The following FBXL4 variants were observed in gnomAD, a reference collection of about 807,000 sequenced individuals.
FBXL4 encodes F-box/LRR-repeat protein 4.
A neutral mutation model predicts 58.9 loss-of-function variants in FBXL4; 40 were observed. The observed-to-expected ratio is 0.68, with a 90% CI of 0.53 to 0.88. FBXL4 has a LOEUF of 0.88. FBXL4 is among the 40% of genes least tolerant of loss of function. FBXL4 has a pLI of 0.00. For synonymous variants in FBXL4, 263 were observed against 265.5 expected (o/e 0.99, Z 0.09); for missense variants, 676 against 734.4 (o/e 0.92, Z 0.92).
At position 98,926,828 on chromosome 6, in the gene FBXL4, TACTGG is replaced by T; in HGVS notation, c.156_160del (p.Gln53CysfsTer14). 6.2e-7 allele frequency: 1 copy of T among 1,614,208 alleles called. No individual in the cohort carries two copies. On this transcript the variant is annotated frameshift_variant, in exon 4 of 10. Transcript: ENST00000369244. LOFTEE classifies it high-confidence loss of function. ...ACTGAAATCCACTACTTCTTTGGCA[TACTGG>T]ACTACCTCTGCATTGAGAGGGGAAG...
At chr6:98,880,696 T>C (rs1562217021) in intron 7 of FBXL4, 72 bp from the exon 8 acceptor site, 5 of 1,294,690 alleles carry the variant, frequency 3.9e-6, no homozygotes, top group East Asian at 2.3e-5. Context: ...AGAGGTCAAT[T>C]AGACATTAAA....
At chr6:98,899,126 G>T in intron 7 of FBXL4, 142 bp downstream of exon 7, 1 of 1,429,874 alleles carries the variant, frequency 7.0e-7, no homozygotes. Context: ...GACTGAATCA[G>T]CTCTATTGAT....
rs559380246 is a variant in FBXL4, at chr6:98,916,789, G to A, written c.858+585C>T. Among the ~76,000 whole-genome samples, 766 of 149,014 alleles carry A rather than the reference G, an allele frequency of 5.1e-3. 9 individuals carry two copies. Among genetic ancestry groups the A allele is most frequent in the African/African-American group, 0.018 (720 of 40,208 alleles). The stretch of plus-strand genomic sequence containing the variant: ...CATATGTAACTAACCTGCACATTGT[G>A]CACATGTACCCTAAAACTTAAAGTA... On this transcript the variant is annotated intron_variant, in intron 5 of 9. Transcript: ENST00000369244.
At chr6:98,893,903 G>T (rs912491248) in intron 7 of FBXL4, among the ~76,000 whole-genome samples, 1 of 151,964 alleles carries the variant, frequency 6.6e-6, no homozygotes. Context: ...TTTGAGACAG[G>T]GTCTTGCTCT....
intron 6 of FBXL4, among the ~76,000 whole-genome samples, chr6:98,902,668 C>T: frequency 6.6e-6 from 1 of 151,598 alleles, no homozygotes; most frequent in Non-Finnish European, 1.5e-5. Flanking sequence ...AGATCAAGGC[C>T]ATTCAGCAAA....
Position 98,874,322 on chromosome 6 carries a change from C to T in FBXL4, c.1822G>A (p.Ala608Thr). The part of the protein sequence containing the change: ...IDNRAVLELN[A>T]SFPKVFIKKS... ...TTTATGAACACTTTTGGAAAGCTTG[C>T]ATTCAGTTCTAGCACAGCTCTGTTA... The change falls in exon 10 of 10, where the codon GCA becomes ACA. Residue 608 changes from alanine (A) to threonine (T), a missense_variant. Physicochemically the swap from Ala to Thr is moderately conservative, Grantham distance 58. Coordinates refer to ENST00000369244, the MANE Select transcript of FBXL4 (RefSeq NM_001278716.2). 1.2e-6 allele frequency: 2 copies of T among 1,607,900 alleles called. No homozygotes were observed. The highest frequency in any genetic ancestry group is 1.7e-6 in the Non-Finnish European group (2 of 1,178,362).
intron 4 of FBXL4, among the ~76,000 whole-genome samples, 188 bp downstream of exon 4, chr6:98,926,289 C>T (rs1772776245): frequency 6.6e-6 from 1 of 152,090 alleles, no homozygotes; most frequent in Admixed American, 6.5e-5. Context: ...TGAGGTATTA[C>T]AGGTATAAAG....
At chr6:98,941,792 G>A (rs1024334616) in intron 1 of FBXL4, among the ~76,000 whole-genome samples, 5 of 152,140 alleles carry the variant, frequency 3.3e-5, no homozygotes, top group African/African-American at 9.7e-5. Flanking sequence ...TTTAAAGACA[G>A]GGAAACAAGT....
rs908671856 is a variant in FBXL4 at position 98,926,994 on chromosome 6, T to A, written c.-6A>T. 1.2e-6 allele frequency: 2 copies of A among 1,610,564 alleles called. No homozygotes were observed. Among genetic ancestry groups the A allele is most frequent in the Non-Finnish European group, 1.7e-6 (2 of 1,177,620 alleles). ...ATGGGAAAGACCGGTGACATCTAGA[T>A]GTGAATTATGAAGCTTCAAAAGGTC... On this transcript the variant is annotated 5_prime_UTR_variant, in exon 4 of 10. Coordinates refer to ENST00000369244, the MANE Select transcript of FBXL4 (RefSeq NM_001278716.2).
rs778583873 is a variant in FBXL4 at position 98,905,393 on chromosome 6, G to T, written c.1103+33C>A. On this transcript the variant is annotated intron_variant, in intron 6 of 9. Coordinates refer to ENST00000369244, the MANE Select transcript of FBXL4 (RefSeq NM_001278716.2). ...TAATAAGTATAACCTGCTGCTGGGG[G>T]GGAAAAAAACTTCATCAAGGCTTTG... is the stretch of plus-strand genomic sequence containing the variant. 11 of 1,604,666 alleles carry T rather than the reference G, an allele frequency of 6.9e-6. No individual in the cohort carries two copies. The South Asian group carries it at 1.2e-4, about 18-fold the overall frequency.
intron 7 of FBXL4, chr6:98,899,023 G>C (rs1468968618): frequency 1.0e-6 from 1 of 984,966 alleles, no homozygotes; most frequent in Non-Finnish European, 1.2e-6. Flanking sequence ...TTTTTCCTGG[G>C]GACATAAATA....
At position 98,868,796 on chromosome 6, in the gene FBXL4, A is replaced by T. The variant is rs1407616096; in HGVS notation, c.*5482T>A. Reference sequence around the variant, plus strand: ...ACTAATTACTTTACCAAATACATAGATTAAAATATCCCTAAATGTCAATTT... The same window carrying T: ...ACTAATTACTTTACCAAATACATAGTTTAAAATATCCCTAAATGTCAATTT... On this transcript the variant is annotated 3_prime_UTR_variant, in exon 10 of 10. Transcript: ENST00000369244. The T allele has an allele frequency of 6.6e-6, 1 of 152,200 alleles. No homozygotes were observed. The highest frequency in any genetic ancestry group is 1.5e-5 in the Non-Finnish European group (1 of 68,046). The allele number at this position is 152,200 out of a possible 1,614,324, so 9.4% of individuals were successfully genotyped here.
rs750610341 is a variant in FBXL4, at chr6:98,899,413, G to A, written c.1172C>T (p.Thr391Ile). Residue 391 changes from threonine to isoleucine, a missense_variant, in exon 7 of 10, where the codon ACT becomes ATT. Transcript: ENST00000369244. ...CATCTCAGAAATAACTTCTAAGCAA[G>A]TTTCATTAAGAAAGTGGCTGCAAGA... ...ELSCSHFLNE[T>I]CLEVISEMCP... 6 of 1,613,960 alleles carry A rather than the reference G, an allele frequency of 3.7e-6. No homozygotes were observed. In the South Asian group the frequency reaches 6.6e-5, roughly 18 times the overall value.
At chr6:98,889,404 A>G (rs968420839) in intron 7 of FBXL4, among the ~76,000 whole-genome samples, 1 of 151,954 alleles carries the variant, frequency 6.6e-6, no homozygotes, top group Non-Finnish European at 1.5e-5. Flanking sequence ...AATGACTACA[A>G]TGACTACTGC....
chr6:98,904,786 C>G (rs1771736511), intron 6 of FBXL4, among the ~76,000 whole-genome samples: 1 of 151,944 alleles, frequency 6.6e-6, no homozygotes, highest in Non-Finnish European at 1.5e-5. Context: ...TGTTTGTATC[C>G]TAAGAAAAAA....
chr6:98,875,840 C>A, intron 8 of FBXL4, 113 bp from the exon 9 acceptor site: 1 of 1,045,188 alleles, frequency 9.6e-7, no homozygotes, highest in South Asian at 1.4e-5. Flanking sequence ...GTAAACAAAT[C>A]CACATCCTTG....
Position 98,874,174 on chromosome 6 carries a change from G to A in FBXL4, c.*104C>T, listed in dbSNP as rs1770569467. On this transcript the variant is annotated 3_prime_UTR_variant, in exon 10 of 10. Transcript: ENST00000369244. ...ATATTTTTCTTTAAAATCTACAAAT[G>A]TCTTAATTCTTACCATTAAAACAAC... The A allele has an allele frequency of 4.9e-6, 4 of 812,698 alleles. No homozygotes were observed. The highest frequency in any genetic ancestry group is 7.3e-6 in the Non-Finnish European group (4 of 549,240). 50.3% of individuals were successfully genotyped at this position (812,698 alleles called of 1,614,324 possible).
chr6:98,884,671 TG>T (rs1770971839), intron 7 of FBXL4, among the ~76,000 whole-genome samples: 1 of 152,208 alleles, frequency 6.6e-6, no homozygotes, highest in South Asian at 2.1e-4. Flanking sequence ...TGTCTAAAAA[TG>T]TATTTTCATT....
chr6:98,942,564 G>A (rs778788313), intron 1 of FBXL4, among the ~76,000 whole-genome samples: 76 of 152,194 alleles, frequency 5.0e-4, no homozygotes, highest in Non-Finnish European at 9.3e-4. Context: ...CTCCTGCCAT[G>A]TAAGACCCTT....
Sources: allele counts gnomAD v4.1 joint callset (sites outside exome capture counted in the v4.1 genomes callset), GRCh38; gene constraint gnomAD v4.1.1; transcripts MANE v1.5; gene names NCBI Gene and HGNC (gene_info 2026-07-23, HGNC 2026-07-21).